PIKFYVE: variants seen among roughly 807,000 people sequenced by gnomAD.
PIKFYVE encodes 1-phosphatidylinositol 3-phosphate 5-kinase.
PIKFYVE carries 122 observed loss-of-function variants against 257.9 expected under a neutral mutation model. That is an observed-to-expected ratio of 0.47 (90% CI 0.41 to 0.55). The LOEUF (loss-of-function observed/expected upper bound fraction) is 0.55. Ranked by LOEUF, PIKFYVE falls within the 20% of genes least tolerant of loss-of-function variation. The pLI is 0.00. For missense variants in PIKFYVE, 2,160 were observed against 2,536.6 expected (o/e 0.85, Z 3.19); for synonymous variants, 892 against 868.9 (o/e 1.03, Z -0.47).
chr2:208,296,921 A>T (rs1056968859), intron 7 of PIKFYVE, among the ~76,000 whole-genome samples: 2 of 152,132 alleles, frequency 1.3e-5, no homozygotes, highest in South Asian at 2.1e-4. Context: ...ATTACTGGAG[A>T]TGAGAGTTTT....
intron 27 of PIKFYVE, 54 bp from the exon 28 acceptor site, chr2:208,336,784 T>C: frequency 8.1e-7 from 1 of 1,239,682 alleles, no homozygotes; most frequent in Non-Finnish European, 1.2e-6. Context: ...TAAACAGCAC[T>C]CAAGGGGCTA....
intron 5 of PIKFYVE, among the ~76,000 whole-genome samples, chr2:208,281,530 A>T (rs1327796223): frequency 6.6e-6 from 1 of 152,146 alleles, no homozygotes; most frequent in Non-Finnish European, 1.5e-5. Flanking sequence ...CACAGTTTGT[A>T]TCTCACCTTT....
At chr2:208,317,445 T>G (rs1044369477) in intron 15 of PIKFYVE, among the ~76,000 whole-genome samples, 1 of 151,354 alleles carries the variant, frequency 6.6e-6, no homozygotes, top group African/African-American at 2.4e-5. Context: ...TTTTTTAAGC[T>G]CATCAGCTGT....
chr2:208,310,880 G>A (rs557510005), intron 12 of PIKFYVE, among the ~76,000 whole-genome samples: 2 of 152,300 alleles, frequency 1.3e-5, no homozygotes, highest in South Asian at 4.1e-4. Context: ...ATAAACTTGA[G>A]TATGGGCTAA....
rs558194021 is a variant in PIKFYVE at position 208,303,116 on chromosome 2, A to G, written c.1320+763A>G. On this transcript the variant is annotated intron_variant, in intron 10 of 41. Coordinates refer to ENST00000264380, the MANE Select transcript of PIKFYVE (RefSeq NM_015040.4). ...ACAAACAAACGAAAAACAATGGTAT[A>G]CTGATGAATATATGTTTTTTTACTT... Among the ~76,000 whole-genome samples the G allele has an allele frequency of 3.3e-5, 5 of 152,216 alleles. No homozygotes were observed. The South Asian group carries it at 1.0e-3, about 32-fold the overall frequency.
intron 3 of PIKFYVE, among the ~76,000 whole-genome samples, chr2:208,276,087 G>C (rs1028266850): frequency 6.6e-6 from 1 of 152,174 alleles, no homozygotes; most frequent in Non-Finnish European, 1.5e-5. Flanking sequence ...GATAGGATTG[G>C]AGTTTTAGCA....
chr2:208,355,129 C>A, intron 41 of PIKFYVE, 61 bp from the exon 42 acceptor site: 1 of 1,292,856 alleles, frequency 7.7e-7, no homozygotes, highest in Non-Finnish European at 1.1e-6. Context: ...GGTCAGTTGA[C>A]TTCAGTTGCC....
chr2:208,335,988 T>G, intron 26 of PIKFYVE, 58 bp from the exon 27 acceptor site: 11 of 1,603,368 alleles, frequency 6.9e-6, no homozygotes, highest in Non-Finnish European at 9.4e-6. Flanking sequence ...AATAGCAGTT[T>G]CTTTTGGGGT....
intron 10 of PIKFYVE, among the ~76,000 whole-genome samples, chr2:208,303,411 C>G (rs1693958261): frequency 6.6e-6 from 1 of 152,030 alleles, no homozygotes; most frequent in Non-Finnish European, 1.5e-5. Context: ...TTAGTGTTGA[C>G]TGGAATCTTT....
chr2:208,297,893 A>T (rs1693181107), intron 7 of PIKFYVE, among the ~76,000 whole-genome samples: 1 of 152,184 alleles, frequency 6.6e-6, no homozygotes, highest in Non-Finnish European at 1.5e-5. Context: ...CCAAGAGTCA[A>T]AATTAAGGAT....
In PIKFYVE at chr2:208,288,751, A is replaced by G. The variant is rs150109056; in HGVS notation, c.844A>G (p.Asn282Asp). 6 of 1,613,874 alleles carry G rather than the reference A, an allele frequency of 3.7e-6. No individual in the cohort carries two copies. Among genetic ancestry groups the G allele is most frequent in the African/African-American group, 2.7e-5 (2 of 74,910 alleles). Residue 282 changes from asparagine to aspartate, a missense_variant, in exon 7 of 42, where the codon AAT becomes GAT. Asn to Asp is a conservative substitution (Grantham distance 23, BLOSUM62 1). Transcript: ENST00000264380. ...TAGTTTGATTCATCCAGATTCCTCAAATACTCCTCTTTCAACAAGACTTGT... is the reference window on the plus strand; with the variant it reads ...TAGTTTGATTCATCCAGATTCCTCAGATACTCCTCTTTCAACAAGACTTGT... ...WQSLIHPDSS[N>D]TPLSTRLVSV...
intron 8 of PIKFYVE, among the ~76,000 whole-genome samples, chr2:208,300,433 A>G (rs1054637609): frequency 3.3e-5 from 5 of 152,350 alleles, no homozygotes; most frequent in East Asian, 1.9e-4. Context: ...GTGGAAGGCA[A>G]TGAATTCTGT....
chr2:208,303,284 G>GGC (rs1693935142), intron 10 of PIKFYVE, among the ~76,000 whole-genome samples: 3 of 40,458 alleles, frequency 7.4e-5, no homozygotes, highest in Admixed American at 4.5e-4. Flanking sequence ...TACACACACA[G>GGC]GCACACACAC....
chr2:208,283,379 C>A (rs573402479), intron 5 of PIKFYVE, among the ~76,000 whole-genome samples: 1 of 152,082 alleles, frequency 6.6e-6, no homozygotes. Context: ...TATAGGCATG[C>A]GCTTAATAGG....
intron 23 of PIKFYVE, among the ~76,000 whole-genome samples, chr2:208,332,009 C>G (rs1697594731): frequency 6.7e-6 from 1 of 148,666 alleles, no homozygotes; most frequent in African/African-American, 2.6e-5. Context: ...GAAACAAAAA[C>G]TTCTGCTTTT....
chr2:208,284,291 G>A (rs1370101519), intron 5 of PIKFYVE, among the ~76,000 whole-genome samples: 1 of 128,608 alleles, frequency 7.8e-6, no homozygotes, highest in Non-Finnish European at 1.6e-5. Context: ...AGACAGTTTC[G>A]CTTTTATTGC....
chr2:208,291,032 A>T (rs569587490), intron 7 of PIKFYVE, among the ~76,000 whole-genome samples: 1 of 152,118 alleles, frequency 6.6e-6, no homozygotes, highest in Non-Finnish European at 1.5e-5. Flanking sequence ...TTCTAGTCCA[A>T]TGTTGAAAAG....
Position 208,357,315 on chromosome 2 carries a change from C to CTG in PIKFYVE, c.*2012_*2013dup, listed in dbSNP as rs1448209654. On this transcript the variant is annotated 3_prime_UTR_variant, in exon 42 of 42. Transcript: ENST00000264380. ...GGATACTTAAGGTTATTATTCCTGT[C>CTG]TGTTTCCTGTACTCCCCTAGTCATG... 6.6e-6 allele frequency: 1 copy of CTG among 152,204 alleles called. No individual in the cohort carries two copies. The highest frequency in any genetic ancestry group is 1.5e-5 in the Non-Finnish European group (1 of 68,038). The allele number at this position is 152,204 out of a possible 1,614,324, so 9.4% of individuals were successfully genotyped here. A position where few individuals can be genotyped will look rare whatever the true frequency, so the allele number is the denominator to read the frequency against.
At chr2:208,343,972 A>G (rs559789107) in intron 32 of PIKFYVE, among the ~76,000 whole-genome samples, 77 of 151,786 alleles carry the variant, frequency 5.1e-4, no homozygotes, top group African/African-American at 1.8e-3. Context: ...GCCCGCCACC[A>G]TGCCCGGCTA....
Sources: gnomAD v4.1 joint callset for allele counts (sites outside exome capture counted in the v4.1 genomes callset) on GRCh38, gnomAD v4.1.1 for gene constraint, MANE v1.5 for transcripts, NCBI Gene and HGNC (gene_info 2026-07-23, HGNC 2026-07-21) for gene names.